Variants in SOCS5 observed in about 807,000 individuals in gnomAD.
The protein encoded by SOCS5 is CIS-6.
A neutral mutation model predicts 42.8 loss-of-function variants in SOCS5; 32 were observed. The ratio of observed to expected loss-of-function variants is 0.75; its 90% CI spans 0.56 to 1.01. The LOEUF (loss-of-function observed/expected upper bound fraction) is 1.01, where lower values mean the gene tolerates loss of function less well. SOCS5 is among the 50% of genes least tolerant of loss of function. SOCS5 has a pLI of 0.00. For missense variants in SOCS5, 627 were observed against 653.0 expected, an observed-to-expected ratio of 0.96 and a Z score of 0.43; for synonymous variants, 283 against 229.6, an observed-to-expected ratio of 1.23 and a Z score of -2.10.
intron 1 of SOCS5, among the ~76,000 whole-genome samples, chr2:46,750,690 A>G (rs1673603848): frequency 6.6e-6 from 1 of 152,210 alleles, no homozygotes; most frequent in Non-Finnish European, 1.5e-5. Flanking sequence ...CACAAGGGTC[A>G]TGGGTTTAAT....
chr2:46,725,707 T>G (rs1572836513), intron 1 of SOCS5, among the ~76,000 whole-genome samples: 1 of 152,182 alleles, frequency 6.6e-6, no homozygotes. Flanking sequence ...CATTGGATGG[T>G]TACCATTTCT....
At position 46,744,401 on chromosome 2, in the gene SOCS5, AG is replaced by A. The variant is rs1673453085; in HGVS notation, c.-12-14115del. Among the ~76,000 whole-genome samples, 3 of 152,362 alleles carry A rather than the reference AG, an allele frequency of 2.0e-5. No homozygotes were observed. The South Asian group carries it at 6.2e-4, about 32-fold the overall frequency. ...TGTAATTCTGGTAAAGTATTTGTGT[AG>A]GGAGCCAAAATAATACAAACCACAT... On this transcript the variant is annotated intron_variant, in intron 1 of 1. Transcript: ENST00000394861.
chr2:46,752,327 A>G (rs922691815), intron 1 of SOCS5, among the ~76,000 whole-genome samples: 7 of 152,108 alleles, frequency 4.6e-5, no homozygotes, highest in Non-Finnish European at 1.0e-4. Context: ...GCCTGATGAT[A>G]TAAGGTGGAA....
At chr2:46,715,423 C>T (rs1307861237) in intron 1 of SOCS5, among the ~76,000 whole-genome samples, 3 of 151,558 alleles carry the variant, frequency 2.0e-5, no homozygotes, top group Non-Finnish European at 1.5e-5. Context: ...TATTTACCTT[C>T]ATTTAACCAT....
chr2:46,741,980 G>T (rs926630084), intron 1 of SOCS5, among the ~76,000 whole-genome samples: 3 of 152,102 alleles, frequency 2.0e-5, no homozygotes, highest in Non-Finnish European at 4.4e-5. Flanking sequence ...TTTCTGAAAC[G>T]TCATGTGGAT....
chr2:46,711,556 C>T (rs1471076342), intron 1 of SOCS5, among the ~76,000 whole-genome samples: 3 of 152,128 alleles, frequency 2.0e-5, no homozygotes, highest in Non-Finnish European at 2.9e-5. Flanking sequence ...ATTTTTCTTC[C>T]AGTCTGTGGC....
chr2:46,702,313 G>T (rs1672363423), intron 1 of SOCS5, among the ~76,000 whole-genome samples: 1 of 151,982 alleles, frequency 6.6e-6, no homozygotes, highest in Non-Finnish European at 1.5e-5. Flanking sequence ...TTGGTAAGGG[G>T]GTACTTGGTA....
At chr2:46,705,877 C>A (rs1280945179) in intron 1 of SOCS5, among the ~76,000 whole-genome samples, 8 of 152,204 alleles carry the variant, frequency 5.3e-5, no homozygotes, top group Admixed American at 5.2e-4. Flanking sequence ...GGAGAAGCTA[C>A]AGGAATATCC....
chr2:46,757,185 T>C (rs894246670), intron 1 of SOCS5, among the ~76,000 whole-genome samples: 11 of 152,242 alleles, frequency 7.2e-5, no homozygotes, highest in African/African-American at 2.2e-4. Context: ...TTCTCTGTTA[T>C]TCTCTTATTC....
At chr2:46,727,144 CTTT>C (rs759203329) in intron 1 of SOCS5, among the ~76,000 whole-genome samples, 79 of 86,412 alleles carry the variant, frequency 9.1e-4, no homozygotes, top group African/African-American at 3.3e-3. Context: ...TTGGAGCCTT[CTTT>C]TTTTTTTTTT....
Position 46,759,527 on chromosome 2 carries a change from T to C in SOCS5, c.997T>C (p.Leu333=). The change falls in exon 2 of 2, where the codon TTG becomes CTG. Residue 333 remains leucine (L), a synonymous_variant. Coordinates refer to ENST00000394861, the MANE Select transcript of SOCS5 (RefSeq NM_144949.3). ...GGAAGAGGATACAACCACCCTGTGTTTGCAGTCACGGAGGCAGAAGCAGCG... is the reference window on the plus strand; with the variant it reads ...GGAAGAGGATACAACCACCCTGTGTCTGCAGTCACGGAGGCAGAAGCAGCG... ...DSEEDTTTLC[L]QSRRQKQRQI... The C allele has an allele frequency of 1.2e-6, 2 of 1,613,960 alleles. No homozygotes were observed. Among genetic ancestry groups the C allele is most frequent in the Non-Finnish European group, 1.7e-6 (2 of 1,179,866 alleles).
intron 1 of SOCS5, among the ~76,000 whole-genome samples, chr2:46,708,218 A>G (rs1046904694): frequency 3.9e-5 from 6 of 152,210 alleles, no homozygotes; most frequent in Non-Finnish European, 8.8e-5. Flanking sequence ...GTTGGAAACA[A>G]GAGCACTGCT....
Position 46,726,738 on chromosome 2 carries a change from AATTATTATT to A in SOCS5, c.-13+27314_-13+27322del, listed in dbSNP as rs111456718. ...TCAGTTACAGTATTTTTCAGTTCTA[AATTATTATT>A]ATTATTATTATTATTATTATTATTT... On this transcript the variant is annotated intron_variant, in intron 1 of 1. Transcript: ENST00000394861. Among the ~76,000 whole-genome samples the A allele has an allele frequency of 3.9e-4, 57 of 145,470 alleles. 1 individual carries two copies. The highest frequency in any genetic ancestry group is 1.3e-3 in the South Asian group (6 of 4,546).
chr2:46,736,410 A>G (rs183423075), intron 1 of SOCS5, among the ~76,000 whole-genome samples: 7 of 152,200 alleles, frequency 4.6e-5, no homozygotes, highest in Non-Finnish European at 1.5e-5. Context: ...TGCAACCATC[A>G]TCACCATCTA....
intron 1 of SOCS5, among the ~76,000 whole-genome samples, chr2:46,747,612 T>C (rs947204073): frequency 6.6e-6 from 1 of 152,198 alleles, no homozygotes; most frequent in Non-Finnish European, 1.5e-5. Context: ...TGTTACACTT[T>C]TTAAGGTTTC....
chr2:46,738,088 T>G (rs1156765061), intron 1 of SOCS5, among the ~76,000 whole-genome samples: 2 of 152,112 alleles, frequency 1.3e-5, no homozygotes, highest in Non-Finnish European at 1.5e-5. Flanking sequence ...AAAATTAGAA[T>G]TGAATGGTAG....
intron 1 of SOCS5, among the ~76,000 whole-genome samples, chr2:46,718,070 C>T (rs1425953015): frequency 6.8e-6 from 1 of 145,986 alleles, no homozygotes; most frequent in East Asian, 2.0e-4. Context: ...GCTCTATTTC[C>T]TCAACTCAGT....
chr2:46,732,421 C>T (rs1436580638), intron 1 of SOCS5, among the ~76,000 whole-genome samples: 1 of 152,132 alleles, frequency 6.6e-6, no homozygotes, highest in Non-Finnish European at 1.5e-5. Flanking sequence ...GCAGAGGGAA[C>T]AGCAGCTTGT....
chr2:46,746,545 G>T (rs950480480), intron 1 of SOCS5, among the ~76,000 whole-genome samples: 1 of 151,898 alleles, frequency 6.6e-6, no homozygotes, highest in African/African-American at 2.4e-5. Flanking sequence ...CAGCTACTCG[G>T]GAGGCTGAGG....
Sources: allele counts gnomAD v4.1 joint callset (sites outside exome capture counted in the v4.1 genomes callset), GRCh38; gene constraint gnomAD v4.1.1; transcripts MANE v1.5; gene names NCBI Gene and HGNC (gene_info 2026-07-23, HGNC 2026-07-21).